The following AOC1 variants were observed in gnomAD, a reference collection of about 807,000 sequenced individuals.
AOC1 encodes the protein diamine oxidase [copper-containing].
Under a neutral mutation model 57.1 loss-of-function variants are expected in AOC1, and 58 were observed. That is an observed-to-expected ratio of 1.02 (90% CI 0.82 to 1.26). The LOEUF (loss-of-function observed/expected upper bound fraction) is 1.26. Among genes scored for constraint, AOC1 ranks in the 50% most tolerant of loss-of-function variants. AOC1 has a pLI of 0.00. For synonymous variants in AOC1, 401 were observed against 423.4 expected, an observed-to-expected ratio of 0.95 and a Z score of 0.65; for missense variants, 917 against 1,005.3, an observed-to-expected ratio of 0.91 and a Z score of 1.19.
upstream of AOC1, chr7:150,852,491 A>G (rs1799652398): frequency 6.5e-6 from 1 of 152,814 alleles, no homozygotes; most frequent in Non-Finnish European, 1.5e-5. This position sits in a 1 kb window ranked among gnomAD's most constrained non-coding sequence, Gnocchi z 4.6. Context: ...ATTGACTTCA[A>G]GAAGGAGTCA....
chr7:150,853,566 T>C lies in AOC1; in HGVS notation c.-17+1008T>C, dbSNP rs1472306953. Among the ~76,000 whole-genome samples, 4 of 150,760 alleles carry C rather than the reference T, an allele frequency of 2.7e-5. No homozygotes were observed. The East Asian group carries it at 7.8e-4, about 29-fold the overall frequency. On this transcript the variant is annotated intron_variant, in intron 1 of 4. Coordinates refer to ENST00000360937, the MANE Select transcript of AOC1 (RefSeq NM_001091.4). ...TTTTAAAAGTCTATTAAAAAAAAAGTCTACTATAATCCCAGCACTTTGGGA... is the reference window on the plus strand; with the variant it reads ...TTTTAAAAGTCTATTAAAAAAAAAGCCTACTATAATCCCAGCACTTTGGGA...
intron 1 of AOC1, among the ~76,000 whole-genome samples, chr7:150,853,555 TA>T (rs888990692): frequency 6.0e-5 from 9 of 149,266 alleles, no homozygotes; most frequent in Admixed American, 4.0e-4. Context: ...AAAAGTCTAT[TA>T]AAAAAAAAGT....
In AOC1 at chr7:150,856,876, T is replaced by A; in HGVS notation, c.406T>A (p.Ser136Thr). 6.2e-7 allele frequency: 1 copy of A among 1,614,024 alleles called. No homozygotes were observed. Among genetic ancestry groups the A allele is most frequent in the East Asian group, 2.2e-5 (1 of 44,880 alleles). ...RALSPRPGYQ[S>T]SWASRPISTA... ...ACTGTCCCCCAGGCCTGGGTACCAG[T>A]CCTCCTGGGCATCGAGGCCCATCTC... The change falls in exon 2 of 5, where the codon TCC becomes ACC. Residue 136 changes from serine to threonine, a missense_variant. Physicochemically the swap from Ser to Thr is moderately conservative, Grantham distance 58 (BLOSUM62 1). Coordinates refer to ENST00000360937, the MANE Select transcript of AOC1 (RefSeq NM_001091.4). The surrounding 1 kb of genome is among the most constrained non-coding windows in gnomAD (Gnocchi z 5.2).
intron 1 of AOC1, chr7:150,853,925 G>C (rs762290778): frequency 6.6e-6 from 1 of 152,148 alleles, no homozygotes; most frequent in African/African-American, 2.4e-5. Context: ...CAGAGGCTGA[G>C]GCAGGAGAAT....
intron 3 of AOC1, 98 bp downstream of exon 3, chr7:150,859,146 A>G (rs1799888427): frequency 1.5e-6 from 2 of 1,301,176 alleles, no homozygotes; most frequent in Admixed American, 2.9e-5. Context: ...TTCCTAGTCT[A>G]TGTGGATATA....
rs1307257269 is a variant in AOC1 at position 150,857,426 on chromosome 7, ACGG to A, written c.961_963del (p.Gly321del). 5.6e-6 allele frequency: 9 copies of A among 1,610,802 alleles called. No individual in the cohort carries two copies. Among genetic ancestry groups the A allele is most frequent in the Non-Finnish European group, 6.8e-6 (8 of 1,179,514 alleles). On this transcript the variant is annotated inframe_deletion, in exon 2 of 5. Transcript: ENST00000360937. The surrounding 1 kb of genome is among the most constrained non-coding windows in gnomAD (Gnocchi z 6.6). ...AGGCTGGAGGGCAACGCTGTGCTCT[ACGG>A]CGGCTGGAGCTTTGCCTTCCGGCTG...
chr7:150,857,670 T>C lies in AOC1; in HGVS notation c.1200T>C (p.Thr400=), dbSNP rs376497369. The change falls in exon 2 of 5, where the codon ACT becomes ACC. Residue 400 remains threonine (T), a synonymous_variant. Coordinates refer to ENST00000360937, the MANE Select transcript of AOC1 (RefSeq NM_001091.4). The surrounding 1 kb of genome is among the most constrained non-coding windows in gnomAD (Gnocchi z 6.6). ...DCPETATFLD[T]FHYYDADDPV... ...CGGAGACCGCCACCTTCCTGGACAC[T>C]TTCCACTACTATGATGCCGATGACC... 6.2e-7 allele frequency: 1 copy of C among 1,614,132 alleles called. No individual in the cohort carries two copies. Among genetic ancestry groups the C allele is most frequent in the Non-Finnish European group, 8.5e-7 (1 of 1,179,990 alleles).
At chr7:150,855,358 G>A (rs1025660021) in intron 1 of AOC1, among the ~76,000 whole-genome samples, 9 of 152,174 alleles carry the variant, frequency 5.9e-5, no homozygotes, top group Admixed American at 2.6e-4. Flanking sequence ...AGCGCAACAG[G>A]CAAGAGTAAC....
chr7:150,857,066 G>A lies in AOC1; in HGVS notation c.596G>A (p.Ser199Asn). 1.9e-6 allele frequency: 3 copies of A among 1,614,128 alleles called. No homozygotes were observed. Among genetic ancestry groups the A allele is most frequent in the Non-Finnish European group, 2.5e-6 (3 of 1,179,996 alleles). ...GGTGTGGCTTCTGGCCAGCGCCGCA[G>A]TTGGCTTATCATACAGCGCTATGTA... ...PRGVASGQRR[S>N]WLIIQRYVEG... The change falls in exon 2 of 5, where the codon AGT (serine) becomes AAT (asparagine). Residue 199 changes from serine (S) to asparagine (N), a missense_variant. Coordinates refer to ENST00000360937, the MANE Select transcript of AOC1 (RefSeq NM_001091.4). The surrounding 1 kb of genome is among the most constrained non-coding windows in gnomAD (Gnocchi z 6.6).
chr7:150,855,633 G>T (rs1288964912), intron 1 of AOC1, among the ~76,000 whole-genome samples: 1 of 152,152 alleles, frequency 6.6e-6, no homozygotes, highest in African/African-American at 2.4e-5. Flanking sequence ...AGGCAGGACT[G>T]GGCACCTCTA....
At chr7:150,860,727 AC>A in intron 4 of AOC1, 94 bp downstream of exon 4, 2 of 1,481,894 alleles carry the variant, frequency 1.3e-6, no homozygotes, top group South Asian at 2.5e-5. Flanking sequence ...AGTCCCAACC[AC>A]CCTTTGCCCA....
In AOC1 at chr7:150,857,052, T is replaced by C. The variant is rs763419167; in HGVS notation, c.582T>C (p.Ser194=). The change falls in exon 2 of 5, where the codon TCT becomes TCC. Residue 194 remains serine (S), a synonymous_variant. Transcript: ENST00000360937. The surrounding 1 kb of genome is among the most constrained non-coding windows in gnomAD (Gnocchi z 6.6). ...FTDVAPRGVA[S]GQRRSWLIIQ... ...ATGTGGCCCCCCGGGGTGTGGCTTCTGGCCAGCGCCGCAGTTGGCTTATCA... is the reference window on the plus strand; with the variant it reads ...ATGTGGCCCCCCGGGGTGTGGCTTCCGGCCAGCGCCGCAGTTGGCTTATCA... The C allele has an allele frequency of 2.1e-5, 34 of 1,614,174 alleles. No homozygotes were observed. In the South Asian group the frequency reaches 3.3e-4, roughly 16 times the overall value.
rs1421481469 is a variant in AOC1, at chr7:150,856,719, G to C, written c.249G>C (p.Leu83=). 6.2e-7 allele frequency: 1 copy of C among 1,614,036 alleles called. No homozygotes were observed. The highest frequency in any genetic ancestry group is 2.2e-5 in the East Asian group (1 of 44,884). Residue 83 remains leucine, a synonymous_variant, in exon 2 of 5, where the codon CTG becomes CTC. Transcript: ENST00000360937. This position sits in a 1 kb window ranked among gnomAD's most constrained non-coding sequence, Gnocchi z 5.2. ...EMLLPKKYHV[L]RFLDKGERHP... ...TGCTGCCCAAGAAGTACCATGTGCT[G>C]AGGTTTCTGGATAAAGGTGAAAGGC...
At position 150,860,541 on chromosome 7, in the gene AOC1, TGCA is replaced by T; in HGVS notation, c.1907_1909del (p.Ser636del). 6.2e-7 allele frequency: 1 copy of T among 1,614,006 alleles called. No individual in the cohort carries two copies. Among genetic ancestry groups the T allele is most frequent in the African/African-American group, 1.3e-5 (1 of 75,034 alleles). ...GACCAAGTACCGGGAGTCGGAGCTG[TGCA>T]GCAGCAGCATCTACCACCAGAACGA... On this transcript the variant is annotated inframe_deletion, in exon 4 of 5. Transcript: ENST00000360937.
Position 150,858,961 on chromosome 7 carries a change from A to T in AOC1, c.1769A>T (p.Lys590Met). ...CCCCAGGAGAACCCCTGGGGCCACA[A>T]GCGCACGTACCGCCTGCAGATCCAC... Reference protein sequence around the residue: ...TSPQENPWGHKRTYRLQIHSM... With the variant: ...TSPQENPWGHMRTYRLQIHSM... Residue 590 changes from lysine to methionine, a missense_variant, in exon 3 of 5, where the codon AAG (lysine) becomes ATG (methionine). Lys to Met is a moderately conservative substitution (Grantham distance 95). Transcript: ENST00000360937. 1 of 1,608,268 alleles carries T rather than the reference A, an allele frequency of 6.2e-7. No individual in the cohort carries two copies. Among genetic ancestry groups the T allele is most frequent in the Non-Finnish European group, 8.5e-7 (1 of 1,176,234 alleles).
chr7:150,853,661 C>CTATATATATA (rs201712777), intron 1 of AOC1, among the ~76,000 whole-genome samples: 50 of 62,714 alleles, frequency 8.0e-4, no homozygotes, highest in South Asian at 2.8e-3. Flanking sequence ...GAGATCCTGA[C>CTATATATATA]TATATATATA....
intron 2 of AOC1, among the ~76,000 whole-genome samples, chr7:150,858,297 C>T (rs1045610892): frequency 6.6e-6 from 1 of 152,104 alleles, no homozygotes; most frequent in Admixed American, 6.6e-5. Flanking sequence ...AGGGAGGGGA[C>T]GGTGCCTATG....
chr7:150,856,645 T>C lies in AOC1; in HGVS notation c.175T>C (p.Ser59Pro). 6.2e-7 allele frequency: 1 copy of C among 1,614,110 alleles called. No homozygotes were observed. The highest frequency in any genetic ancestry group is 1.1e-5 in the South Asian group (1 of 91,086). Residue 59 changes from serine (S) to proline (P), a missense_variant, in exon 2 of 5, where the codon TCC becomes CCC. Transcript: ENST00000360937. This position sits in a 1 kb window ranked among gnomAD's most constrained non-coding sequence, Gnocchi z 5.2. ...WSKKELRLQP[S>P]STTTMAKNTV... ...CAAGAAGGAGCTGAGGCTGCAGCCC[T>C]CCAGTACCACCACCATGGCCAAGAA...
At position 150,861,092 on chromosome 7, in the gene AOC1, T is replaced by G. The variant is rs371681643; in HGVS notation, c.2139T>G (p.Thr713=). ...PEDPSLASRD[T]VIVWPRDNGP... ...ACCCCTCCCTGGCATCCAGAGACAC[T>G]GTGATCGTGTGGCCTCGGGACAACG... Residue 713 remains threonine, a synonymous_variant, in exon 5 of 5, where the codon ACT becomes ACG. Coordinates refer to ENST00000360937, the MANE Select transcript of AOC1 (RefSeq NM_001091.4). This position sits in a 1 kb window ranked among gnomAD's most constrained non-coding sequence, Gnocchi z 4.5. 5 of 1,614,124 alleles carry G rather than the reference T, an allele frequency of 3.1e-6. No homozygotes were observed. The highest frequency in any genetic ancestry group is 3.4e-6 in the Non-Finnish European group (4 of 1,179,990).
Sources: gnomAD v4.1 joint callset for allele counts (sites outside exome capture counted in the v4.1 genomes callset) on GRCh38, gnomAD v4.1.1 for gene constraint, Gnocchi (gnomAD v3.1) non-coding constraint, MANE v1.5 for transcripts, NCBI Gene and HGNC (gene_info 2026-07-23, HGNC 2026-07-21) for gene names.